The following RAB38 variants were observed in gnomAD, a reference collection of about 807,000 sequenced individuals.
RAB38 encodes ras-related protein Rab-38.
A neutral mutation model predicts 18.4 loss-of-function variants in RAB38; 15 were observed. That is an observed-to-expected ratio of 0.82 (90% CI 0.55 to 1.26). The LOEUF (loss-of-function observed/expected upper bound fraction) is 1.26. Among genes scored for constraint, RAB38 ranks in the 50% most tolerant of loss-of-function variants. RAB38 has a pLI of 0.00. For synonymous variants in RAB38, 101 were observed against 104.4 expected (o/e 0.97, Z 0.20); for missense variants, 294 against 267.4 (o/e 1.10, Z -0.69).
the RAB38 span, among the ~76,000 whole-genome samples, chr11:87,949,811 T>G: frequency 6.6e-6 from 1 of 152,234 alleles, no homozygotes; most frequent in Admixed American, 6.5e-5. Context: ...TACTTCCAAC[T>G]ATGTGGTCAG....
chr11:88,124,630 C>A (rs958569348), intron 2 of RAB38, among the ~76,000 whole-genome samples: 1 of 152,184 alleles, frequency 6.6e-6, no homozygotes, highest in African/African-American at 2.4e-5. Flanking sequence ...ACGTCTAACT[C>A]CTAAATTCCA....
chr11:87,870,521 T>C, the RAB38 span, among the ~76,000 whole-genome samples: 1 of 151,682 alleles, frequency 6.6e-6, no homozygotes, highest in Non-Finnish European at 1.5e-5. Flanking sequence ...TGACTTTTCC[T>C]TACTGTGGCC....
the RAB38 span, among the ~76,000 whole-genome samples, chr11:88,090,570 A>G: frequency 6.8e-6 from 1 of 147,976 alleles, no homozygotes; most frequent in African/African-American, 2.5e-5. Flanking sequence ...GCATAGAAGG[A>G]AAAGTGTAAA....
chr11:87,911,150 AC>A, the RAB38 span, among the ~76,000 whole-genome samples: 32 of 152,150 alleles, frequency 2.1e-4, no homozygotes, highest in African/African-American at 7.7e-4. Flanking sequence ...TGATGACAGT[AC>A]CATAGAGACT....
chr11:88,077,331 C>T, the RAB38 span, among the ~76,000 whole-genome samples: 2 of 151,708 alleles, frequency 1.3e-5, no homozygotes, highest in East Asian at 3.9e-4. Flanking sequence ...CTAAAGAGCC[C>T]AAATAGCCAA....
At chr11:88,021,563 AATTTATTTATTT>A in the RAB38 span, among the ~76,000 whole-genome samples, 28,123 of 141,674 alleles carry the variant, frequency 0.2, 3,393 homozygotes, top group East Asian at 0.47. Context: ...AGAGAAAGAT[AATTTATTTATTT>A]ATTTATTTAT....
At chr11:87,971,131 T>A in the RAB38 span, among the ~76,000 whole-genome samples, 1 of 152,068 alleles carries the variant, frequency 6.6e-6, no homozygotes, top group Non-Finnish European at 1.5e-5. Flanking sequence ...GATTCCTGCC[T>A]GATTATCAGT....
At chr11:87,809,612 C>T in the RAB38 span, among the ~76,000 whole-genome samples, 1 of 152,082 alleles carries the variant, frequency 6.6e-6, no homozygotes, top group Non-Finnish European at 1.5e-5. Flanking sequence ...CTTTCCATTT[C>T]CTGAATCTCA....
At chr11:87,949,635 A>G in the RAB38 span, among the ~76,000 whole-genome samples, 19 of 152,206 alleles carry the variant, frequency 1.2e-4, no homozygotes, top group African/African-American at 4.6e-4. Context: ...TTCTGCCTTC[A>G]TTTCATTATG....
chr11:88,033,581 T>G, the RAB38 span, among the ~76,000 whole-genome samples: 1 of 152,094 alleles, frequency 6.6e-6, no homozygotes, highest in African/African-American at 2.4e-5. Flanking sequence ...AAATTGATAT[T>G]GAAGTAATCC....
At chr11:88,030,505 G>A in the RAB38 span, among the ~76,000 whole-genome samples, 3 of 152,084 alleles carry the variant, frequency 2.0e-5, no homozygotes, top group African/African-American at 4.8e-5. Flanking sequence ...GAAAAAAAGA[G>A]AGAAGAATCA....
At chr11:88,090,035 T>C in the RAB38 span, among the ~76,000 whole-genome samples, 748 of 151,974 alleles carry the variant, frequency 4.9e-3, 4 homozygotes, top group African/African-American at 0.017. Flanking sequence ...GTGTTAGCCT[T>C]CTAGGGGGAG....
At chr11:88,152,609 C>T (rs1423458607) in intron 1 of RAB38, among the ~76,000 whole-genome samples, 2 of 152,174 alleles carry the variant, frequency 1.3e-5, no homozygotes, top group Admixed American at 1.3e-4. Context: ...CAGAGCATTT[C>T]TAGCACTCAC....
At chr11:88,164,256 C>CGGCGGGGGGGGGGGGGGGGGGGGGGGG (rs1318397492) in intron 1 of RAB38, among the ~76,000 whole-genome samples, 1 of 109,062 alleles carries the variant, frequency 9.2e-6, no homozygotes, top group Non-Finnish European at 2.1e-5. Flanking sequence ...AAGGTGCTCT[C>CGGCGGGGGGGGGGGGGGGGGGGGGGGG]GGTGGGGGGG....
chr11:87,852,728 G>A, the RAB38 span, among the ~76,000 whole-genome samples: 4 of 152,020 alleles, frequency 2.6e-5, no homozygotes, highest in African/African-American at 7.2e-5. Flanking sequence ...TTTACATATC[G>A]AGACAGTAAC....
At chr11:87,957,617 C>T in the RAB38 span, among the ~76,000 whole-genome samples, 1 of 152,186 alleles carries the variant, frequency 6.6e-6, no homozygotes, top group East Asian at 1.9e-4. Context: ...GCATTCCTCT[C>T]TCAGCATATG....
chr11:87,969,680 A>G, the RAB38 span, among the ~76,000 whole-genome samples: 1 of 152,190 alleles, frequency 6.6e-6, no homozygotes, highest in African/African-American at 2.4e-5. Flanking sequence ...TATCTAAAAT[A>G]AACTAGAATT....
the RAB38 span, among the ~76,000 whole-genome samples, chr11:88,093,147 A>T: frequency 1.3e-5 from 2 of 151,956 alleles, no homozygotes; most frequent in Admixed American, 6.6e-5. Flanking sequence ...GAGAAAGCAT[A>T]CAGATTGGTG....
At chr11:88,100,819 C>G in the RAB38 span, among the ~76,000 whole-genome samples, 561 of 151,846 alleles carry the variant, frequency 3.7e-3, 2 homozygotes, top group South Asian at 0.012. Flanking sequence ...TTTGTAGGAG[C>G]CTGTAGGTTA....
Sources: gnomAD v4.1 joint callset for allele counts (sites outside exome capture counted in the v4.1 genomes callset) on GRCh38, gnomAD v4.1.1 for gene constraint, MANE v1.5 for transcripts, NCBI Gene and HGNC (gene_info 2026-07-23, HGNC 2026-07-21) for gene names.